Variants in ABCC4 observed in about 807,000 individuals in gnomAD.
The protein encoded by ABCC4 is ATP-binding cassette sub-family C member 4.
ABCC4 carries 102 observed loss-of-function variants against 168.5 expected under a neutral mutation model. The observed-to-expected ratio is 0.61, with a 90% CI of 0.52 to 0.71. ABCC4 has a LOEUF of 0.71. Ranked by LOEUF, ABCC4 falls within the 30% of genes least tolerant of loss-of-function variation. ABCC4 has a pLI of 0.00. For missense variants in ABCC4, 1,402 were observed against 1,605.8 expected, an observed-to-expected ratio of 0.87 and a Z score of 2.17; for synonymous variants, 617 against 590.7, an observed-to-expected ratio of 1.04 and a Z score of -0.65.
At chr13:95,060,990 C>G (rs750654066) in intron 26 of ABCC4, among the ~76,000 whole-genome samples, 5 of 152,148 alleles carry the variant, frequency 3.3e-5, no homozygotes, top group Non-Finnish European at 5.9e-5. Flanking sequence ...ATTAGGGGAA[C>G]CATCTAGTGT....
intron 20 of ABCC4, among the ~76,000 whole-genome samples, chr13:95,114,179 C>T (rs566445267): frequency 6.6e-6 from 1 of 152,270 alleles, no homozygotes; most frequent in African/African-American, 2.4e-5. Context: ...ATAACAAACG[C>T]CCTTGTCTCT....
intron 20 of ABCC4, among the ~76,000 whole-genome samples, chr13:95,101,106 C>G (rs1198566927): frequency 6.6e-6 from 1 of 152,198 alleles, no homozygotes; most frequent in Non-Finnish European, 1.5e-5. Flanking sequence ...TCCTGCCCCT[C>G]ATCCTGCCCT....
intron 26 of ABCC4, among the ~76,000 whole-genome samples, chr13:95,060,016 G>A (rs941443961): frequency 7.2e-5 from 11 of 152,198 alleles, no homozygotes; most frequent in African/African-American, 1.2e-4. Context: ...TCGTGTTGAC[G>A]CTTAGAAGAT....
chr13:95,189,016 T>C (rs61965909), intron 9 of ABCC4, among the ~76,000 whole-genome samples: 22,322 of 151,950 alleles, frequency 0.15, 2,178 homozygotes, highest in Non-Finnish European at 0.22. Context: ...GCATGCATTA[T>C]GTATTTGTCC....
rs149517130 is a variant in ABCC4 at position 95,024,513 on chromosome 13, C to A, written c.3871-2831G>T. Among the ~76,000 whole-genome samples the A allele has an allele frequency of 6.7e-4, 102 of 152,278 alleles. 1 individual carries two copies. The East Asian group carries it at 8.3e-3, about 12-fold the overall frequency. ...CAGAGCTAGATTTTACTAAAATCAA[C>A]AGAGCAATACAAGCTCCCGCACGTG... On this transcript the variant is annotated intron_variant, in intron 30 of 30. Coordinates refer to ENST00000645237, the MANE Select transcript of ABCC4 (RefSeq NM_005845.5).
chr13:95,139,552 G>A (rs988702503), intron 19 of ABCC4, among the ~76,000 whole-genome samples: 1 of 152,160 alleles, frequency 6.6e-6, no homozygotes, highest in African/African-American at 2.4e-5. Context: ...GCCCAATGGG[G>A]CCGTGAGTGC....
intron 20 of ABCC4, among the ~76,000 whole-genome samples, chr13:95,097,592 CTTTTTTTTTTT>C (rs56169430): frequency 1.5e-4 from 12 of 82,118 alleles, no homozygotes; most frequent in South Asian, 6.2e-4. Flanking sequence ...AATATACATT[CTTTTTTTTTTT>C]TTTTTTTTTT....
intron 1 of ABCC4, among the ~76,000 whole-genome samples, chr13:95,270,089 C>A (rs1437045602): frequency 6.6e-6 from 1 of 152,008 alleles, no homozygotes; most frequent in African/African-American, 2.4e-5. Flanking sequence ...GGAAGACGAC[C>A]AGAAAATCCA....
chr13:95,075,222 G>T, intron 22 of ABCC4: 2 of 585,370 alleles, frequency 3.4e-6, no homozygotes, highest in Non-Finnish European at 5.9e-6. Context: ...AGCCAGTCAG[G>T]GGGCACAAAG....
chr13:95,200,976 C>T (rs1276497801), intron 8 of ABCC4, among the ~76,000 whole-genome samples: 2 of 152,180 alleles, frequency 1.3e-5, no homozygotes, highest in Admixed American at 6.5e-5. Flanking sequence ...AAGGAGTTTA[C>T]CATACGAGCG....
At chr13:95,116,371 C>T (rs1691380624) in intron 19 of ABCC4, among the ~76,000 whole-genome samples, 1 of 152,116 alleles carries the variant, frequency 6.6e-6, no homozygotes, top group South Asian at 2.1e-4. Flanking sequence ...GAAATTGATC[C>T]TAATTATTTC....
At chr13:95,182,934 T>C (rs1198927110) in intron 11 of ABCC4, among the ~76,000 whole-genome samples, 1 of 152,210 alleles carries the variant, frequency 6.6e-6, no homozygotes, top group Non-Finnish European at 1.5e-5. Flanking sequence ...GAATTACTAC[T>C]TCCTATCTTA....
intron 25 of ABCC4, among the ~76,000 whole-genome samples, chr13:95,070,782 C>A (rs1238249732): frequency 6.6e-6 from 1 of 152,016 alleles, no homozygotes; most frequent in Non-Finnish European, 1.5e-5. Context: ...AAGGAGCTGG[C>A]CACGTAAGGA....
chr13:95,212,818 G>A (rs1432319115), intron 4 of ABCC4, among the ~76,000 whole-genome samples: 1 of 152,070 alleles, frequency 6.6e-6, no homozygotes, highest in Admixed American at 6.6e-5. Context: ...ATCATGAAGG[G>A]CCATGAATAT....
chr13:95,109,105 C>T (rs1453813886), intron 20 of ABCC4, among the ~76,000 whole-genome samples: 1 of 152,104 alleles, frequency 6.6e-6, no homozygotes, highest in African/African-American at 2.4e-5. Flanking sequence ...CTGCTCCATG[C>T]TCTAGATCCT....
chr13:95,135,683 G>C (rs2036123426), intron 19 of ABCC4, among the ~76,000 whole-genome samples: 1 of 151,906 alleles, frequency 6.6e-6, no homozygotes, highest in Non-Finnish European at 1.5e-5. Context: ...AGAAGTGCTG[G>C]GATTATAGGC....
Position 95,062,703 on chromosome 13 carries a change from C to A in ABCC4, c.3366+1G>T. 6.2e-7 allele frequency: 1 copy of A among 1,613,218 alleles called. No homozygotes were observed. The highest frequency in any genetic ancestry group is 8.5e-7 in the Non-Finnish European group (1 of 1,179,638). On this transcript the variant is annotated splice_donor_variant, in intron 26 of 30. Transcript: ENST00000645237. LOFTEE classifies it high-confidence loss of function. ...AGGTAAGGACGCTATGACTTGCATA[C>A]CTGAGGTATGATTGACATCTTCTTC...
chr13:95,171,368 A>G (rs762895670), intron 13 of ABCC4, among the ~76,000 whole-genome samples: 1 of 146,376 alleles, frequency 6.8e-6, no homozygotes, highest in Non-Finnish European at 1.5e-5. Context: ...GTTCTCCTAC[A>G]TTGTAAACGT....
intron 13 of ABCC4, among the ~76,000 whole-genome samples, chr13:95,173,382 G>C (rs2037545225): frequency 6.6e-6 from 1 of 152,274 alleles, no homozygotes; most frequent in Admixed American, 6.5e-5. Flanking sequence ...ATTGAGGGCT[G>C]TGGGAAGACA....
Sources: gnomAD v4.1 joint callset for allele counts (sites outside exome capture counted in the v4.1 genomes callset) on GRCh38, gnomAD v4.1.1 for gene constraint, MANE v1.5 for transcripts, NCBI Gene and HGNC (gene_info 2026-07-23, HGNC 2026-07-21) for gene names.